Variants in PRKCE observed in about 807,000 individuals in gnomAD.
PRKCE encodes the protein protein kinase C epsilon type.
A neutral mutation model predicts 85.4 loss-of-function variants in PRKCE; 16 were observed. The observed-to-expected ratio is 0.19, with a 90% CI of 0.13 to 0.28. PRKCE has a LOEUF of 0.28. Among genes scored for constraint, PRKCE ranks in the 10% least tolerant of loss-of-function variants. The pLI, the probability that PRKCE is intolerant of heterozygous loss-of-function variation, is 1.00. For missense variants in PRKCE, 573 were observed against 975.2 expected (o/e 0.59, Z 5.49); for synonymous variants, 388 against 371.5 (o/e 1.04, Z -0.51).
chr2:45,827,263 T>C (rs1690023202), intron 1 of PRKCE, among the ~76,000 whole-genome samples: 1 of 152,256 alleles, frequency 6.6e-6, no homozygotes, highest in Non-Finnish European at 1.5e-5. Context: ...CTTTCCTGGA[T>C]CAAAGATGAT....
chr2:45,816,588 C>T (rs952949878), intron 1 of PRKCE, among the ~76,000 whole-genome samples: 1 of 152,204 alleles, frequency 6.6e-6, no homozygotes, highest in Non-Finnish European at 1.5e-5. Context: ...TGTTTTCTTT[C>T]CTTAGCCTTA....
chr2:46,139,384 G>T lies in PRKCE; in HGVS notation c.1593-5709G>T, dbSNP rs1480814189. 6.6e-6 allele frequency among the ~76,000 whole-genome samples: 1 copy of T among 152,062 alleles called. No individual in the cohort carries two copies. On this transcript the variant is annotated intron_variant, in intron 11 of 14. Transcript: ENST00000306156. This position sits in a 1 kb window ranked among gnomAD's most constrained non-coding sequence, Gnocchi z 5.2. ...CCTATACATGTGTGAGCAGATAGAA[G>T]ATATAACGGAAGAAAGCCCCCATTT...
chr2:45,962,166 C>T (rs566444953), intron 2 of PRKCE, among the ~76,000 whole-genome samples: 1 of 152,298 alleles, frequency 6.6e-6, no homozygotes, highest in East Asian at 1.9e-4. Flanking sequence ...AAAGACACAA[C>T]TCTTGGGCTT....
intron 14 of PRKCE, among the ~76,000 whole-genome samples, chr2:46,177,257 T>C (rs775436069): frequency 3.9e-5 from 6 of 152,166 alleles, no homozygotes; most frequent in Non-Finnish European, 5.9e-5. Context: ...CTCTCTACTT[T>C]ATATACTTAA....
At chr2:45,998,118 C>A (rs1704365059) in intron 6 of PRKCE, among the ~76,000 whole-genome samples, 1 of 152,074 alleles carries the variant, frequency 6.6e-6, no homozygotes, top group Non-Finnish European at 1.5e-5. Flanking sequence ...AATGTGTATT[C>A]TTCTGTCACC....
intron 2 of PRKCE, among the ~76,000 whole-genome samples, chr2:45,857,856 G>A (rs1357996309): frequency 6.6e-6 from 1 of 152,198 alleles, no homozygotes; most frequent in Non-Finnish European, 1.5e-5. Flanking sequence ...ACAGTGCCAG[G>A]ATACAGTAGT....
chr2:45,964,337 T>C (rs12996305), intron 2 of PRKCE, among the ~76,000 whole-genome samples: 9,079 of 152,280 alleles, frequency 0.06, 360 homozygotes, highest in Middle Eastern at 0.15. Context: ...GTGAGCTCCA[T>C]TGTGCTCAGG....
chr2:46,047,492 A>C (rs1275299429), intron 10 of PRKCE, among the ~76,000 whole-genome samples: 2 of 152,230 alleles, frequency 1.3e-5, no homozygotes, highest in East Asian at 3.8e-4. Flanking sequence ...GTGAGCTCGC[A>C]GTGCTGTGTG....
At chr2:46,177,749 C>T (rs1252701704) in intron 14 of PRKCE, among the ~76,000 whole-genome samples, 3 of 152,206 alleles carry the variant, frequency 2.0e-5, no homozygotes, top group Non-Finnish European at 4.4e-5. Flanking sequence ...CAATTCAACT[C>T]ATAACATGGT....
chr2:46,050,596 G>A lies in PRKCE; in HGVS notation c.1438-35612G>A, dbSNP rs556641711. Among the ~76,000 whole-genome samples the A allele has an allele frequency of 3.9e-5, 6 of 152,332 alleles. No homozygotes were observed. In the South Asian group the frequency reaches 1.0e-3, roughly 26 times the overall value. Reference sequence around the variant, plus strand: ...TGTGACCTTGTGGGGTGGGAAGGAAGAAAGGTTTCTGTTTCCCGCTCTGTC... The same window carrying A: ...TGTGACCTTGTGGGGTGGGAAGGAAAAAAGGTTTCTGTTTCCCGCTCTGTC... On this transcript the variant is annotated intron_variant, in intron 10 of 14. Transcript: ENST00000306156.
intron 1 of PRKCE, among the ~76,000 whole-genome samples, chr2:45,693,954 G>A (rs779489650): frequency 8.6e-5 from 13 of 151,968 alleles, no homozygotes; most frequent in Non-Finnish European, 1.5e-4. Flanking sequence ...ATAGGGAGTC[G>A]TGGTGTGAAA....
intron 1 of PRKCE, among the ~76,000 whole-genome samples, chr2:45,653,367 GTTGTT>G (rs1675218443): frequency 8.3e-5 from 4 of 48,428 alleles, no homozygotes; most frequent in Non-Finnish European, 1.3e-4. Context: ...TTGTTTTTGG[GTTGTT>G]TTTTTTTTTT....
chr2:46,156,637 A>G (rs1487887441), intron 13 of PRKCE, among the ~76,000 whole-genome samples: 1 of 152,158 alleles, frequency 6.6e-6, no homozygotes, highest in Non-Finnish European at 1.5e-5. Context: ...TGACCTTCCT[A>G]CAGGAAAGCA....
intron 14 of PRKCE, among the ~76,000 whole-genome samples, chr2:46,180,658 G>C (rs1463407661): frequency 6.6e-6 from 1 of 152,222 alleles, no homozygotes; most frequent in Non-Finnish European, 1.5e-5. Context: ...AGATTTGAAG[G>C]CATGATGGGA....
chr2:45,757,734 C>T (rs1396715619), intron 1 of PRKCE, among the ~76,000 whole-genome samples: 3 of 151,992 alleles, frequency 2.0e-5, no homozygotes, highest in Non-Finnish European at 4.4e-5. Flanking sequence ...GTTAAACAAG[C>T]CATTATTGCC....
At chr2:45,771,657 C>A (rs771520864) in intron 1 of PRKCE, among the ~76,000 whole-genome samples, 1 of 151,608 alleles carries the variant, frequency 6.6e-6, no homozygotes, top group African/African-American at 2.4e-5. Context: ...CAGTTTTGTA[C>A]TTGCCTAAGA....
chr2:45,746,770 T>C (rs1683171775), intron 1 of PRKCE, among the ~76,000 whole-genome samples: 1 of 152,194 alleles, frequency 6.6e-6, no homozygotes, highest in Non-Finnish European at 1.5e-5. Context: ...CAAGACTGCT[T>C]GACACATCCC....
chr2:45,915,907 G>A (rs573431767), intron 2 of PRKCE, among the ~76,000 whole-genome samples: 1 of 152,326 alleles, frequency 6.6e-6, no homozygotes, highest in Admixed American at 6.5e-5. Context: ...ACCTGAGAGA[G>A]AAATCGGGGT....
At chr2:46,075,210 T>C (rs1463180584) in intron 10 of PRKCE, among the ~76,000 whole-genome samples, 1 of 151,756 alleles carries the variant, frequency 6.6e-6, no homozygotes, top group East Asian at 2.0e-4. Flanking sequence ...CCGGCTAACT[T>C]TTTGTATTTT....
Sources: allele counts gnomAD v4.1 joint callset (sites outside exome capture counted in the v4.1 genomes callset), GRCh38; gene constraint gnomAD v4.1.1; non-coding constraint Gnocchi (gnomAD v3.1); transcripts MANE v1.5; gene names NCBI Gene and HGNC (gene_info 2026-07-23, HGNC 2026-07-21).